NPEPPS: variants seen among roughly 807,000 people sequenced by gnomAD.
NPEPPS encodes the protein puromycin-sensitive aminopeptidase.
Under a neutral mutation model 115.5 loss-of-function variants are expected in NPEPPS, and 14 were observed. That is an observed-to-expected ratio of 0.12 (90% CI 0.08 to 0.19). NPEPPS has a LOEUF of 0.19. Among genes scored for constraint, NPEPPS ranks in the 10% least tolerant of loss-of-function variants. NPEPPS has a pLI of 1.00. For missense variants in NPEPPS, 523 were observed against 1,110.8 expected (o/e 0.47, Z 7.52); for synonymous variants, 285 against 390.6 (o/e 0.73, Z 3.19).
Position 47,603,925 on chromosome 17 carries a change from G to C in NPEPPS, c.1751G>C (p.Gly584Ala). The C allele has an allele frequency of 1.2e-6, 2 of 1,609,666 alleles. No individual in the cohort carries two copies. Among genetic ancestry groups the C allele is most frequent in the South Asian group, 1.1e-5 (1 of 90,324 alleles). Residue 584 changes from glycine (G) to alanine (A), a missense_variant, in exon 16 of 23, where the codon GGA (glycine) becomes GCA (alanine). Coordinates refer to ENST00000322157, the MANE Select transcript of NPEPPS (RefSeq NM_006310.4). ...TGGATATCTTTGCAGTTAAACTTAG[G>C]AACAGTTGGGTTTTATCGGACCCAG... Reference protein sequence around the residue: ...KPDQWVKLNLGTVGFYRTQYS... With the variant: ...KPDQWVKLNLATVGFYRTQYS...
At chr17:47,555,095 C>G (rs1035218992) in intron 2 of NPEPPS, among the ~76,000 whole-genome samples, 14 of 152,234 alleles carry the variant, frequency 9.2e-5, no homozygotes, top group Admixed American at 9.2e-4. Flanking sequence ...TTCATGTGCT[C>G]TATCCTATTA....
intron 13 of NPEPPS, among the ~76,000 whole-genome samples, chr17:47,598,499 G>A (rs568575226): frequency 1.3e-5 from 2 of 151,972 alleles, no homozygotes; most frequent in South Asian, 2.1e-4. Context: ...TTGGCCAGGC[G>A]CAGTGGCTCA....
chr17:47,616,878 G>A (rs1197061315), intron 19 of NPEPPS, among the ~76,000 whole-genome samples: 2 of 147,020 alleles, frequency 1.4e-5, no homozygotes, highest in Non-Finnish European at 3.0e-5. Context: ...AAAAAAAAAA[G>A]TGTCGAAAGG....
rs542799545 is a variant in NPEPPS at position 47,583,763 on chromosome 17, A to C, written c.648+914A>C. The stretch of plus-strand genomic sequence containing the variant: ...GACCTCATTTCTACAAAAGATTTAA[A>C]ACTTAAAAGTTAGCCAGGTATGGTG... On this transcript the variant is annotated intron_variant, in intron 5 of 22. Transcript: ENST00000322157. 3.9e-5 allele frequency among the ~76,000 whole-genome samples: 6 copies of C among 151,924 alleles called. No individual in the cohort carries two copies. The South Asian group carries it at 6.3e-4, about 16-fold the overall frequency.
At chr17:47,531,945 C>T (rs1247598808) in intron 1 of NPEPPS, among the ~76,000 whole-genome samples, 1 of 152,180 alleles carries the variant, frequency 6.6e-6, no homozygotes, top group Non-Finnish European at 1.5e-5. Context: ...ACGGAGAGGT[C>T]ATGGGAGTCC....
intron 20 of NPEPPS, 52 bp from the exon 21 acceptor site, chr17:47,618,957 A>G: frequency 6.4e-7 from 1 of 1,552,906 alleles, no homozygotes. Context: ...ACTTTCTGGT[A>G]CCAGAATATG....
intron 5 of NPEPPS, among the ~76,000 whole-genome samples, 161 bp downstream of exon 5, chr17:47,583,010 C>CTT (rs745447996): frequency 5.2e-5 from 7 of 135,144 alleles, no homozygotes; most frequent in African/African-American, 8.1e-5. Context: ...CTTTTTCTTT[C>CTT]TTTTTTTTTT....
At chr17:47,555,980 AC>A (rs1157692883) in intron 2 of NPEPPS, among the ~76,000 whole-genome samples, 3 of 70,518 alleles carry the variant, frequency 4.3e-5, no homozygotes, top group Non-Finnish European at 6.1e-5. Context: ...CTTCTGTTTT[AC>A]TTTTTTTTTT....
At chr17:47,543,624 G>A (rs1908952190) in intron 1 of NPEPPS, among the ~76,000 whole-genome samples, 1 of 151,742 alleles carries the variant, frequency 6.6e-6, no homozygotes, top group African/African-American at 2.4e-5. Context: ...ACTGTGCCTG[G>A]CCAGGACTAT....
At chr17:47,571,896 A>G (rs754619691) in intron 3 of NPEPPS, among the ~76,000 whole-genome samples, 2 of 152,282 alleles carry the variant, frequency 1.3e-5, no homozygotes, top group Middle Eastern at 3.4e-3. Context: ...AAATAGGATC[A>G]CAAATCTCAG....
chr17:47,557,936 GTTT>G (rs558714475), intron 2 of NPEPPS, among the ~76,000 whole-genome samples: 1 of 133,162 alleles, frequency 7.5e-6, no homozygotes, highest in African/African-American at 2.7e-5. Flanking sequence ...TTGATTCCAT[GTTT>G]TTTTTTTTTT....
rs1449963270 is a variant in NPEPPS at position 47,622,175 on chromosome 17, A to G, written c.*255A>G. ...GATAGTAATAAAATAGAGCATAACGAAACTGTGAAACTTTCTGAAGCCTTG... is the reference window on the plus strand; with the variant it reads ...GATAGTAATAAAATAGAGCATAACGGAACTGTGAAACTTTCTGAAGCCTTG... On this transcript the variant is annotated 3_prime_UTR_variant, in exon 23 of 23. Transcript: ENST00000322157. 1 of 902,994 alleles carries G rather than the reference A, an allele frequency of 1.1e-6. No homozygotes were observed. Among genetic ancestry groups the G allele is most frequent in the Non-Finnish European group, 1.4e-6 (1 of 713,772 alleles). 55.9% of individuals were successfully genotyped at this position (902,994 alleles called of 1,614,324 possible). A position where few individuals can be genotyped will look rare whatever the true frequency, so the allele number is the denominator to read the frequency against.
chr17:47,608,292 C>T (rs1231993297), intron 17 of NPEPPS, among the ~76,000 whole-genome samples: 2 of 152,080 alleles, frequency 1.3e-5, no homozygotes, highest in Non-Finnish European at 2.9e-5. Flanking sequence ...CCCATCTCTA[C>T]TAAAAATACA....
At position 47,590,773 on chromosome 17, in the gene NPEPPS, G is replaced by C. The variant is rs777442391; in HGVS notation, c.1152G>C (p.Leu384=). Residue 384 remains leucine (L), a synonymous_variant, in exon 10 of 23, where the codon CTG becomes CTC. Coordinates refer to ENST00000322157, the MANE Select transcript of NPEPPS (RefSeq NM_006310.4). ...NEGFASWIEY[L]CVDHCFPEYD... ...GTTTTGCATCCTGGATTGAATATCT[G>C]TGTGTAGACCACTGCTTCCCAGAGT... 1 of 1,603,930 alleles carries C rather than the reference G, an allele frequency of 6.2e-7. No individual in the cohort carries two copies. The highest frequency in any genetic ancestry group is 1.3e-5 in the African/African-American group (1 of 74,664).
In NPEPPS at chr17:47,587,217, T is replaced by G. The variant is rs760015517; in HGVS notation, c.981-13T>G. The G allele has an allele frequency of 6.5e-7, 1 of 1,542,780 alleles. No individual in the cohort carries two copies. Among genetic ancestry groups the G allele is most frequent in the Non-Finnish European group, 8.7e-7 (1 of 1,150,302 alleles). ...TGTTTAAATTTGTTTCTTTTTTTTT[T>G]TTTTAAACACAGGGAGACTGCATTG... On this transcript the variant is annotated splice_polypyrimidine_tract_variant and intron_variant, in intron 8 of 22. Transcript: ENST00000322157.
intron 3 of NPEPPS, among the ~76,000 whole-genome samples, chr17:47,576,104 G>A (rs1911505658): frequency 6.6e-6 from 1 of 152,080 alleles, no homozygotes; most frequent in Admixed American, 6.6e-5. Flanking sequence ...TAACAGTAAT[G>A]CAAGCTATTA....
chr17:47,550,436 G>T (rs868408526), intron 2 of NPEPPS, among the ~76,000 whole-genome samples: 1,279 of 101,956 alleles, frequency 0.013, 8 homozygotes, highest in African/African-American at 0.036. Flanking sequence ...TTTTTTTTTT[G>T]TTTTAAAGAA....
chr17:47,580,493 G>C (rs1396904615), intron 4 of NPEPPS: 3 of 152,086 alleles, frequency 2.0e-5, no homozygotes, highest in African/African-American at 7.2e-5. Context: ...TACATGACCA[G>C]ATTTACTGGG....
chr17:47,558,670 C>G (rs1406557484), intron 2 of NPEPPS, among the ~76,000 whole-genome samples: 1 of 152,222 alleles, frequency 6.6e-6, no homozygotes, highest in Admixed American at 6.5e-5. Flanking sequence ...CTCAGGTGAT[C>G]TGCCTGCTTT....
Sources: gnomAD v4.1 joint callset for allele counts (sites outside exome capture counted in the v4.1 genomes callset) on GRCh38, gnomAD v4.1.1 for gene constraint, MANE v1.5 for transcripts, NCBI Gene and HGNC (gene_info 2026-07-23, HGNC 2026-07-21) for gene names.